SLC24A4: variants seen among roughly 807,000 people sequenced by gnomAD.
The protein encoded by SLC24A4 is sodium/potassium/calcium exchanger 4.
In SLC24A4, 53 loss-of-function variants were observed where a neutral mutation model predicts 79.0. The observed-to-expected ratio is 0.67, with a 90% CI of 0.54 to 0.84. The LOEUF (loss-of-function observed/expected upper bound fraction) is 0.84, where lower values mean the gene tolerates loss of function less well. Among genes scored for constraint, SLC24A4 ranks in the 40% least tolerant of loss-of-function variants. The probability of loss-of-function intolerance (pLI) is 0.00; values close to 1 mark genes in which losing one functional copy is unlikely to be tolerated. For missense variants in SLC24A4, 731 were observed against 822.0 expected (o/e 0.89, Z 1.35); for synonymous variants, 323 against 323.8 (o/e 1.00, Z 0.03).
chr14:92,349,754 G>A (rs1004947926), intron 2 of SLC24A4, among the ~76,000 whole-genome samples: 1 of 152,166 alleles, frequency 6.6e-6, no homozygotes, highest in Non-Finnish European at 1.5e-5. Context: ...AATTTTAGGG[G>A]ATTCCAATAG....
At chr14:92,370,104 C>A (rs78055991) in intron 2 of SLC24A4, among the ~76,000 whole-genome samples, 1 of 152,186 alleles carries the variant, frequency 6.6e-6, no homozygotes, top group East Asian at 1.9e-4. Context: ...ATTGAGAAGT[C>A]TCAAAATAAG....
rs185149062 is a variant in SLC24A4, at chr14:92,439,010, G to A, written c.319-325G>A. ...ATATTCCTATTATGCCCGAGGTTCC[G>A]GGGGGTTTCGAGAATTGTGTGCCAG... On this transcript the variant is annotated intron_variant, in intron 3 of 16. Coordinates refer to ENST00000532405, the MANE Select transcript of SLC24A4 (RefSeq NM_153646.4). 2.0e-5 allele frequency among the ~76,000 whole-genome samples: 3 copies of A among 152,244 alleles called. No homozygotes were observed. In the East Asian group the frequency reaches 5.8e-4, roughly 29 times the overall value.
chr14:92,349,922 T>G (rs976840737), intron 2 of SLC24A4, among the ~76,000 whole-genome samples: 8 of 152,200 alleles, frequency 5.3e-5, no homozygotes, highest in Admixed American at 1.3e-4. Flanking sequence ...GCCATTCCTA[T>G]GGGTTTGGGG....
Position 92,349,198 on chromosome 14 carries a change from C to T in SLC24A4, c.241+23220C>T, listed in dbSNP as rs144100280. 5.0e-3 allele frequency among the ~76,000 whole-genome samples: 755 copies of T among 150,360 alleles called. 8 individuals are homozygous for T. Among genetic ancestry groups the T allele is most frequent in the African/African-American group, 0.017 (695 of 40,938 alleles). ...TTTTTTTGATACAGTCTTGCTCTGT[C>T]GCCAAGGCTGGAGTGCAGTGGCGCG... On this transcript the variant is annotated intron_variant, in intron 2 of 16. Transcript: ENST00000532405.
At chr14:92,445,638 G>T (rs1050163346) in intron 8 of SLC24A4, among the ~76,000 whole-genome samples, 2 of 152,216 alleles carry the variant, frequency 1.3e-5, no homozygotes, top group Non-Finnish European at 2.9e-5. Flanking sequence ...AATATGGAAT[G>T]CAGTAATGGG....
rs1169452947 is a variant in SLC24A4, at chr14:92,490,735, G to T, written c.1538-930G>T. The stretch of plus-strand genomic sequence containing the variant: ...CTGGGAACATGAAGTGAGGCGCAGT[G>T]GCCGGGAGTCCTCATAGAACATCAG... On this transcript the variant is annotated intron_variant, in intron 14 of 16. Coordinates refer to ENST00000532405, the MANE Select transcript of SLC24A4 (RefSeq NM_153646.4). The surrounding 1 kb of genome is among the most constrained non-coding windows in gnomAD (Gnocchi z 4.3). Among the ~76,000 whole-genome samples the T allele has an allele frequency of 3.3e-5, 5 of 152,236 alleles. No homozygotes were observed. The highest frequency in any genetic ancestry group is 4.4e-5 in the Non-Finnish European group (3 of 68,038).
chr14:92,388,251 C>T (rs1372311189), intron 2 of SLC24A4, among the ~76,000 whole-genome samples: 1 of 152,124 alleles, frequency 6.6e-6, no homozygotes, highest in Non-Finnish European at 1.5e-5. Context: ...CCTGAGAGAC[C>T]ACACAAGGAC....
At chr14:92,409,023 G>A (rs1196590791) in intron 2 of SLC24A4, among the ~76,000 whole-genome samples, 1 of 152,194 alleles carries the variant, frequency 6.6e-6, no homozygotes, top group Admixed American at 6.5e-5. Flanking sequence ...AGGATGAAGG[G>A]AGGGAGCCAT....
intron 2 of SLC24A4, among the ~76,000 whole-genome samples, chr14:92,392,475 G>A (rs771068890): frequency 1.3e-5 from 2 of 151,948 alleles, no homozygotes; most frequent in East Asian, 1.9e-4. Flanking sequence ...TGTTCTCCTC[G>A]AGGTATGTAT....
chr14:92,374,832 A>G (rs1888413668), intron 2 of SLC24A4, among the ~76,000 whole-genome samples: 1 of 152,192 alleles, frequency 6.6e-6, no homozygotes. Flanking sequence ...TATTTTTGTT[A>G]ATAGATCTTT....
At chr14:92,488,464 A>T (rs552956629) in intron 14 of SLC24A4, among the ~76,000 whole-genome samples, 8 of 148,072 alleles carry the variant, frequency 5.4e-5, no homozygotes, top group African/African-American at 2.0e-4. Context: ...ATCCTCAGAG[A>T]CCCTATTTCC....
intron 2 of SLC24A4, among the ~76,000 whole-genome samples, chr14:92,334,674 G>A (rs542519527): frequency 1.3e-5 from 2 of 152,144 alleles, no homozygotes; most frequent in Non-Finnish European, 2.9e-5. Context: ...GAAGGCAGAC[G>A]TGAGGGTTTG....
chr14:92,341,065 G>A (rs1015387915), intron 2 of SLC24A4, among the ~76,000 whole-genome samples: 8 of 152,170 alleles, frequency 5.3e-5, no homozygotes, highest in Non-Finnish European at 8.8e-5. Context: ...CAGGGAGGCC[G>A]GCTAGTGCTC....
intron 2 of SLC24A4, among the ~76,000 whole-genome samples, chr14:92,391,833 C>G (rs1889479091): frequency 6.6e-6 from 1 of 152,252 alleles, no homozygotes; most frequent in Admixed American, 6.5e-5. Context: ...GCAGCCCCAG[C>G]TGGGTTCCCA....
intron 2 of SLC24A4, among the ~76,000 whole-genome samples, chr14:92,373,681 G>A (rs1210086668): frequency 2.0e-5 from 3 of 152,308 alleles, no homozygotes; most frequent in East Asian, 3.9e-4. Flanking sequence ...GAACCCTGTG[G>A]GTTTCGACGA....
intron 2 of SLC24A4, among the ~76,000 whole-genome samples, chr14:92,386,127 T>C (rs1405900578): frequency 1.3e-5 from 2 of 152,172 alleles, no homozygotes; most frequent in African/African-American, 4.8e-5. Flanking sequence ...CTTAGGAGTT[T>C]ATTGGGTGTG....
intron 2 of SLC24A4, among the ~76,000 whole-genome samples, chr14:92,377,727 G>A (rs1337735439): frequency 1.3e-5 from 2 of 152,176 alleles, no homozygotes; most frequent in South Asian, 2.1e-4. Context: ...GAATGTGCCA[G>A]TGGGCTAGGC....
intron 13 of SLC24A4, chr14:92,484,157 C>A (rs921620541): frequency 1.3e-5 from 13 of 985,244 alleles, no homozygotes; most frequent in African/African-American, 5.2e-5. Context: ...TTCCCTCCCC[C>A]CAACCCAATC....
chr14:92,485,906 A>G (rs1014668210), intron 13 of SLC24A4, among the ~76,000 whole-genome samples: 3 of 152,276 alleles, frequency 2.0e-5, no homozygotes, highest in Non-Finnish European at 2.9e-5. Flanking sequence ...ACTCTTACCT[A>G]TGGGTTTGAA....
Sources: gnomAD v4.1 joint callset for allele counts (sites outside exome capture counted in the v4.1 genomes callset) on GRCh38, gnomAD v4.1.1 for gene constraint, Gnocchi (gnomAD v3.1) non-coding constraint, MANE v1.5 for transcripts, NCBI Gene and HGNC (gene_info 2026-07-23, HGNC 2026-07-21) for gene names.